CLYBL: variants seen among roughly 807,000 people sequenced by gnomAD.
The protein encoded by CLYBL is citramalyl-CoA lyase, mitochondrial.
Under a neutral mutation model 38.9 loss-of-function variants are expected in CLYBL, and 31 were observed. The observed-to-expected ratio is 0.80, with a 90% CI of 0.60 to 1.08. CLYBL has a LOEUF of 1.08. Among genes scored for constraint, CLYBL ranks in the 50% least tolerant of loss-of-function variants. CLYBL has a pLI of 0.00. For synonymous variants in CLYBL, 171 were observed against 158.6 expected (o/e 1.08, Z -0.59); for missense variants, 434 against 411.6 (o/e 1.05, Z -0.47).
chr13:99,701,305 GGTTTTT>G (rs1223733853), intron 1 of CLYBL, among the ~76,000 whole-genome samples: 5 of 151,930 alleles, frequency 3.3e-5, no homozygotes, highest in Non-Finnish European at 7.4e-5. Flanking sequence ...GGGAGGATGT[GGTTTTT>G]GTTTTTGTTT....
intron 7 of CLYBL, among the ~76,000 whole-genome samples, chr13:99,890,418 C>T (rs1383140952): frequency 2.6e-5 from 4 of 152,144 alleles, no homozygotes; most frequent in Non-Finnish European, 4.4e-5. Flanking sequence ...GCCTTCCCAT[C>T]TTAACATTCA....
intron 2 of CLYBL, among the ~76,000 whole-genome samples, chr13:99,805,905 T>G (rs893883854): frequency 6.6e-6 from 1 of 152,212 alleles, no homozygotes; most frequent in Non-Finnish European, 1.5e-5. Flanking sequence ...TTCTACTTTT[T>G]AAATTGCTAC....
intron 7 of CLYBL, among the ~76,000 whole-genome samples, chr13:99,880,068 A>ATATATATATAT (rs34063235): frequency 2.7e-3 from 273 of 101,174 alleles, no homozygotes; most frequent in Non-Finnish European, 3.4e-3. Context: ...ATATATATAT[A>ATATATATATAT]TTTTTTTTTT....
At chr13:99,845,052 G>A (rs1475107552) in intron 2 of CLYBL, among the ~76,000 whole-genome samples, 1 of 152,182 alleles carries the variant, frequency 6.6e-6, no homozygotes, top group Non-Finnish European at 1.5e-5. Flanking sequence ...GAAAGAGAAC[G>A]TTAGTGGTCC....
intron 1 of CLYBL, among the ~76,000 whole-genome samples, chr13:99,750,622 C>T (rs937743600): frequency 5.3e-5 from 8 of 149,900 alleles, no homozygotes; most frequent in Admixed American, 1.3e-4. Flanking sequence ...TGTGGTGAGC[C>T]GAGATCGTGC....
chr13:99,711,644 G>A (rs978746442), intron 1 of CLYBL, among the ~76,000 whole-genome samples: 7 of 151,648 alleles, frequency 4.6e-5, no homozygotes, highest in African/African-American at 1.7e-4. Flanking sequence ...GACCTCAGGT[G>A]ATCTGCCCAC....
At chr13:99,652,198 G>A (rs1041564462) in intron 1 of CLYBL, among the ~76,000 whole-genome samples, 1 of 152,182 alleles carries the variant, frequency 6.6e-6, no homozygotes, top group Non-Finnish European at 1.5e-5. Context: ...CTTTGGCTCT[G>A]GGAGAGCTGG....
intron 1 of CLYBL, among the ~76,000 whole-genome samples, chr13:99,633,210 CAAAAAAAAAAAAA>C (rs59801603): frequency 3.0e-4 from 19 of 62,732 alleles, no homozygotes; most frequent in Non-Finnish European, 4.6e-4. Flanking sequence ...GATCCTGTCT[CAAAAAAAAAAAAA>C]AAAAAAAAAA....
intron 2 of CLYBL, among the ~76,000 whole-genome samples, chr13:99,786,224 T>C (rs1450514566): frequency 4.7e-5 from 7 of 148,926 alleles, no homozygotes; most frequent in Admixed American, 2.7e-4. Flanking sequence ...TTTTTAATTA[T>C]ACTTTAAGTT....
chr13:99,828,510 G>T (rs1189751246), intron 2 of CLYBL, among the ~76,000 whole-genome samples: 1 of 152,068 alleles, frequency 6.6e-6, no homozygotes, highest in Non-Finnish European at 1.5e-5. Flanking sequence ...CAAATTATTT[G>T]GGTGTATTTT....
chr13:99,786,128 A>G lies in CLYBL; in HGVS notation c.249+13118A>G, dbSNP rs1486233993. Among the ~76,000 whole-genome samples, 8 of 147,128 alleles carry G rather than the reference A, an allele frequency of 5.4e-5. No individual in the cohort carries two copies. In the South Asian group the frequency reaches 1.3e-3, roughly 24 times the overall value. ...TATAGTAATAAATGATTATCTTTCT[A>G]TTTCTGCCAGACCTATTGTTTTCCA... On this transcript the variant is annotated intron_variant, in intron 2 of 8. Coordinates refer to ENST00000339105, the MANE Select transcript of CLYBL (RefSeq NM_206808.5).
At chr13:99,630,093 A>G (rs978139005) in intron 1 of CLYBL, among the ~76,000 whole-genome samples, 2 of 152,070 alleles carry the variant, frequency 1.3e-5, no homozygotes, top group African/African-American at 2.4e-5. Flanking sequence ...CCCTGGGAGG[A>G]TGGGGGCCTA....
chr13:99,893,088 G>GA (rs2052523942), downstream of CLYBL: 1 of 152,322 alleles, frequency 6.6e-6, no homozygotes, highest in South Asian at 2.1e-4. Context: ...GCTCCGTGGG[G>GA]TCCCTCATAG....
intron 2 of CLYBL, among the ~76,000 whole-genome samples, chr13:99,827,773 G>A (rs1052499751): frequency 4.6e-5 from 7 of 152,210 alleles, no homozygotes; most frequent in Admixed American, 1.3e-4. Flanking sequence ...GCTTTGTCCC[G>A]ACAGGCGCCA....
At chr13:99,887,409 C>T (rs1242247063) in intron 7 of CLYBL, among the ~76,000 whole-genome samples, 2 of 152,186 alleles carry the variant, frequency 1.3e-5, no homozygotes, top group Admixed American at 6.5e-5. Context: ...TTCTTAAGCT[C>T]CTTCTGCCTC....
At chr13:99,806,465 C>A (rs530802815) in intron 2 of CLYBL, among the ~76,000 whole-genome samples, 11 of 152,108 alleles carry the variant, frequency 7.2e-5, no homozygotes, top group African/African-American at 2.7e-4. Flanking sequence ...GTTGGATGAC[C>A]CTAGAAGTAT....
At chr13:99,665,845 C>T (rs1368769040) in intron 1 of CLYBL, among the ~76,000 whole-genome samples, 3 of 152,190 alleles carry the variant, frequency 2.0e-5, no homozygotes, top group Non-Finnish European at 4.4e-5. Flanking sequence ...ATTCTCAGAT[C>T]GTGCACCGTT....
At chr13:99,609,173 T>G (rs2046585857) in intron 1 of CLYBL, among the ~76,000 whole-genome samples, 1 of 116,418 alleles carries the variant, frequency 8.6e-6, no homozygotes, top group Non-Finnish European at 1.8e-5. Context: ...GTCTTTGTTT[T>G]TTTTTTTTTT....
At chr13:99,877,262 G>C (rs1205529273) in intron 7 of CLYBL, among the ~76,000 whole-genome samples, 1 of 152,200 alleles carries the variant, frequency 6.6e-6, no homozygotes, top group African/African-American at 2.4e-5. Context: ...ATGGCAGCAA[G>C]ATCGAAGTGA....
Sources: allele counts gnomAD v4.1 joint callset (sites outside exome capture counted in the v4.1 genomes callset), GRCh38; gene constraint gnomAD v4.1.1; transcripts MANE v1.5; gene names NCBI Gene and HGNC (gene_info 2026-07-23, HGNC 2026-07-21).